SEMA3F: variants seen among roughly 807,000 people sequenced by gnomAD.
SEMA3F encodes the protein semaphorin 3F, also known as semaphorin-3F.
SEMA3F carries 30 observed loss-of-function variants against 98.5 expected under a neutral mutation model. That is an observed-to-expected ratio of 0.30 (90% CI 0.23 to 0.41). SEMA3F has a LOEUF of 0.41. Among genes scored for constraint, SEMA3F ranks in the 10% least tolerant of loss-of-function variants. The pLI, the probability that SEMA3F is intolerant of heterozygous loss-of-function variation, is 1.00. For synonymous variants in SEMA3F, 380 were observed against 444.8 expected, an observed-to-expected ratio of 0.85 and a Z score of 1.83; for missense variants, 866 against 1,119.3, an observed-to-expected ratio of 0.77 and a Z score of 3.23.
At chr3:50,178,478 T>C (rs1047350085) in intron 7 of SEMA3F, among the ~76,000 whole-genome samples, 1 of 151,730 alleles carries the variant, frequency 6.6e-6, no homozygotes, top group Non-Finnish European at 1.5e-5. Context: ...CCTAGGACTT[T>C]GGGAGGCTGA....
At chr3:50,157,534 G>GGACT (rs1698034523) in intron 1 of SEMA3F, among the ~76,000 whole-genome samples, 1 of 152,016 alleles carries the variant, frequency 6.6e-6, no homozygotes, top group Admixed American at 6.6e-5. Flanking sequence ...AGGCATCTCG[G>GGACT]GACTGGCAGA....
intron 3 of SEMA3F, 42 bp from the exon 4 acceptor site, chr3:50,174,010 G>A: frequency 6.2e-7 from 1 of 1,613,988 alleles, no homozygotes. Context: ...AGGGCTCAGG[G>A]CATGTCCAGA....
At chr3:50,175,308 T>C (rs1175765108) in intron 6 of SEMA3F, 120 bp downstream of exon 6, 4 of 696,528 alleles carry the variant, frequency 5.7e-6, no homozygotes, top group Non-Finnish European at 7.7e-6. Flanking sequence ...GCCCACACCC[T>C]GTCCCCACCC....
Position 50,156,549 on chromosome 3 carries a change from C to A in SEMA3F, c.-49+985C>A, listed in dbSNP as rs1697991921. ...ACCCAGATAGTCTCCCAGTAGTTAT[C>A]CTAGTTGCAGAGAAGGGAAAACTGC... On this transcript the variant is annotated intron_variant, in intron 1 of 18. Coordinates refer to ENST00000002829, the MANE Select transcript of SEMA3F (RefSeq NM_004186.5). This position sits in a 1 kb window ranked among gnomAD's most constrained non-coding sequence, Gnocchi z 4.5. 6.6e-6 allele frequency among the ~76,000 whole-genome samples: 1 copy of A among 152,214 alleles called. No homozygotes were observed. Among genetic ancestry groups the A allele is most frequent in the African/African-American group, 2.4e-5 (1 of 41,442 alleles).
rs777711634 is a variant in SEMA3F at position 50,175,076 on chromosome 3, CCT to C, written c.457-19_457-18del. 100 of 1,585,920 alleles carry C rather than the reference CCT, an allele frequency of 6.3e-5. 1 individual carries two copies. The Admixed American group carries it at 1.7e-3, about 27-fold the overall frequency. On this transcript the variant is annotated intron_variant, in intron 5 of 18. Coordinates refer to ENST00000002829, the MANE Select transcript of SEMA3F (RefSeq NM_004186.5). ...GCCCCTGCCACCCCCAGCTCTAACC[CCT>C]GTTCCTCGTCTTCTCAGGCCACACC...
At position 50,157,038 on chromosome 3, in the gene SEMA3F, G is replaced by C. The variant is rs376003849; in HGVS notation, c.-49+1474G>C. ...GAGGGAATCTGAGGGGCTGGGTAGCGGGTGGGGTGCTGTTGATAATCTCCC... is the reference window on the plus strand; with the variant it reads ...GAGGGAATCTGAGGGGCTGGGTAGCCGGTGGGGTGCTGTTGATAATCTCCC... On this transcript the variant is annotated intron_variant, in intron 1 of 18. Coordinates refer to ENST00000002829, the MANE Select transcript of SEMA3F (RefSeq NM_004186.5). Among the ~76,000 whole-genome samples the C allele has an allele frequency of 2.0e-5, 3 of 152,172 alleles. No individual in the cohort carries two copies. The East Asian group carries it at 5.8e-4, about 29-fold the overall frequency.
chr3:50,158,640 G>A lies in SEMA3F; in HGVS notation c.-48-935G>A, dbSNP rs888253652. 1.3e-5 allele frequency among the ~76,000 whole-genome samples: 2 copies of A among 152,170 alleles called. No individual in the cohort carries two copies. The highest frequency in any genetic ancestry group is 2.4e-5 in the African/African-American group (1 of 41,430). On this transcript the variant is annotated intron_variant, in intron 1 of 18. Coordinates refer to ENST00000002829, the MANE Select transcript of SEMA3F (RefSeq NM_004186.5). The surrounding 1 kb of genome is among the most constrained non-coding windows in gnomAD (Gnocchi z 4.8). ...GGATGGGGCTCACATTTTCAGTCTC[G>A]ATGCCCCCACCCGCAGTGCATCCGG...
intron 12 of SEMA3F, chr3:50,184,226 C>T (rs1048974731): frequency 1.7e-5 from 5 of 288,066 alleles, no homozygotes; most frequent in Non-Finnish European, 3.3e-5. Context: ...GTGACAAGGA[C>T]GTCGGGGCCT....
chr3:50,186,660 G>T lies in SEMA3F; in HGVS notation c.1861G>T (p.Ala621Ser), dbSNP rs763853986. The T allele has an allele frequency of 4.4e-6, 7 of 1,608,850 alleles. No individual in the cohort carries two copies. Among genetic ancestry groups the T allele is most frequent in the East Asian group, 4.5e-5 (2 of 44,722 alleles). ...ESVQYGVAGSAAFLECQPRSP... is the reference protein window; with the variant it reads ...ESVQYGVAGSSAFLECQPRSP... ...TGTGCAGTATGGCGTGGCCGGCAGC[G>T]CAGCCTTCCTTGAGTGCCAGCCCCG... Residue 621 changes from alanine to serine, a missense_variant, in exon 18 of 19, where the codon GCA (alanine) becomes TCA (serine). Coordinates refer to ENST00000002829, the MANE Select transcript of SEMA3F (RefSeq NM_004186.5).
intron 18 of SEMA3F, 55 bp from the exon 19 acceptor site, chr3:50,187,650 C>A (rs1455480391): frequency 1.4e-6 from 2 of 1,475,348 alleles, no homozygotes; most frequent in East Asian, 2.4e-5. Flanking sequence ...TGGTTGCTGG[C>A]TAGGGCCATA....
At chr3:50,175,483 C>G (rs1698777193) in intron 6 of SEMA3F, among the ~76,000 whole-genome samples, 2 of 152,254 alleles carry the variant, frequency 1.3e-5, no homozygotes, top group African/African-American at 2.4e-5. Context: ...TGTAGACACA[C>G]AAGAGCACAC....
chr3:50,173,653 AAAAG>A (rs1340770651), intron 2 of SEMA3F, 136 bp from the exon 3 acceptor site: 17 of 688,146 alleles, frequency 2.5e-5, no homozygotes, highest in Middle Eastern at 2.5e-4. Flanking sequence ...TAAAAAGAAA[AAAAG>A]AAAGAAAGAA....
rs1344621099 is a variant in SEMA3F, at chr3:50,178,885, G to A, written c.643+2024G>A. Among the ~76,000 whole-genome samples, 15 of 132,832 alleles carry A rather than the reference G, an allele frequency of 1.1e-4. No individual in the cohort carries two copies. In the Admixed American group the frequency reaches 1.2e-3, roughly 11 times the overall value. The allele number at this position is 132,832 out of a possible 152,430, so 87.1% of individuals were successfully genotyped here. The stretch of plus-strand genomic sequence containing the variant: ...CTCGCTCTGTCGCCCAGGCTGGAGT[G>A]CAGTGGTGTGATTTCAGCTCACTGC... On this transcript the variant is annotated intron_variant, in intron 7 of 18. Transcript: ENST00000002829.
In SEMA3F at chr3:50,155,361, C is replaced by T; in HGVS notation, c.-252C>T. ...GCCTTCCCATGGCCCGGGCTGGGGC[C>T]CGGGCCCTCGGCTGCTGACGCGCCC... On this transcript the variant is annotated 5_prime_UTR_variant, in exon 1 of 19. Transcript: ENST00000002829. The surrounding 1 kb of genome is among the most constrained non-coding windows in gnomAD (Gnocchi z 4.9). 1 of 294,190 alleles carries T rather than the reference C, an allele frequency of 3.4e-6. No homozygotes were observed. The highest frequency in any genetic ancestry group is 6.2e-6 in the Non-Finnish European group (1 of 161,420). 18.2% of individuals were successfully genotyped at this position (294,190 alleles called of 1,614,324 possible). A position where few individuals can be genotyped will look rare whatever the true frequency, so the allele number is the denominator to read the frequency against.
Position 50,186,735 on chromosome 3 carries a change from C to T in SEMA3F, c.1936C>T (p.Arg646Trp), listed in dbSNP as rs771989354. ...KWLFQRDPGD[R>W]RREIRAEDRF... ...GCTGTTCCAGCGAGATCCTGGTGAC[C>T]GGCGCCGAGAGGTGAGTTCCTGCGC... is the stretch of plus-strand genomic sequence containing the variant. The change falls in exon 18 of 19, where the codon CGG becomes TGG. Residue 646 changes from arginine (R) to tryptophan (W), a missense_variant. Around this residue, in one of 3 missense-constraint regions of SEMA3F, gnomAD observed 245 missense variants for 260.5 expected, o/e 0.94. Transcript: ENST00000002829. The T allele has an allele frequency of 3.2e-5, 52 of 1,601,284 alleles. No individual in the cohort carries two copies. Among genetic ancestry groups the T allele is most frequent in the South Asian group, 2.4e-4 (22 of 90,526 alleles).
chr3:50,173,666 A>G (rs1698696710), intron 2 of SEMA3F, 127 bp from the exon 3 acceptor site: 1 of 726,500 alleles, frequency 1.4e-6, no homozygotes. Flanking sequence ...AGAAAGAAAG[A>G]AAAAAGACCA....
At chr3:50,185,580 C>A in intron 14 of SEMA3F, 49 bp downstream of exon 14, 2 of 1,612,186 alleles carry the variant, frequency 1.2e-6, no homozygotes, top group Admixed American at 3.3e-5. Context: ...TACCCTCCCC[C>A]CAGTCCCAGC....
At position 50,182,896 on chromosome 3, in the gene SEMA3F, C is replaced by T. The variant is rs760303707; in HGVS notation, c.904-8C>T. ...TGATCTGACCCGGCCTCTTGCCCCACCCCCCAGAACGATGACGGTGGTCAC... is the reference window on the plus strand; with the variant it reads ...TGATCTGACCCGGCCTCTTGCCCCATCCCCCAGAACGATGACGGTGGTCAC... On this transcript the variant is annotated splice_polypyrimidine_tract_variant and splice_region_variant and intron_variant, in intron 9 of 18. Transcript: ENST00000002829. This position sits in a 1 kb window ranked among gnomAD's most constrained non-coding sequence, Gnocchi z 4.5. 3.1e-6 allele frequency: 5 copies of T among 1,612,080 alleles called. No homozygotes were observed. In the South Asian group the frequency reaches 5.5e-5, roughly 18 times the overall value.
In SEMA3F at chr3:50,156,898, A is replaced by G. The variant is rs1575367692; in HGVS notation, c.-49+1334A>G. Among the ~76,000 whole-genome samples the G allele has an allele frequency of 6.6e-6, 1 of 151,464 alleles. No individual in the cohort carries two copies. The highest frequency in any genetic ancestry group is 1.5e-5 in the Non-Finnish European group (1 of 67,842). On this transcript the variant is annotated intron_variant, in intron 1 of 18. Coordinates refer to ENST00000002829, the MANE Select transcript of SEMA3F (RefSeq NM_004186.5). The surrounding 1 kb of genome is among the most constrained non-coding windows in gnomAD (Gnocchi z 4.5). ...TTGACTGGGAAACCCTGGCCACAAA[A>G]GGGGGGTTTCAGTCCCAGCTATGCT...
Sources: allele counts gnomAD v4.1 joint callset (sites outside exome capture counted in the v4.1 genomes callset), GRCh38; gene constraint gnomAD v4.1.1; regional missense constraint gnomAD v4.1.1; non-coding constraint Gnocchi (gnomAD v3.1); transcripts MANE v1.5; gene names NCBI Gene and HGNC (gene_info 2026-07-23, HGNC 2026-07-21).